Variants in RNF175 observed in about 807,000 individuals in gnomAD.
RNF175 encodes the protein ring finger protein 175.
A neutral mutation model predicts 50.0 loss-of-function variants in RNF175; 38 were observed. The ratio of observed to expected loss-of-function variants is 0.76; its 90% CI spans 0.59 to 1.00. The LOEUF (loss-of-function observed/expected upper bound fraction) is 1.00. Ranked by LOEUF, RNF175 falls within the 50% of genes least tolerant of loss-of-function variation. The pLI, the probability that RNF175 is intolerant of heterozygous loss-of-function variation, is 0.00. For synonymous variants in RNF175, 155 were observed against 146.1 expected, an observed-to-expected ratio of 1.06 and a Z score of -0.44; for missense variants, 388 against 409.6, an observed-to-expected ratio of 0.95 and a Z score of 0.46.
Position 153,759,878 on chromosome 4 carries a change from C to T in RNF175, c.-16G>A, listed in dbSNP as rs866695473. ...CCGCGGCCATGCCTGAGCCACTGTGCCTTCTCCAGGGCACAGCGCCTGCCG... is the reference window on the plus strand; with the variant it reads ...CCGCGGCCATGCCTGAGCCACTGTGTCTTCTCCAGGGCACAGCGCCTGCCG... On this transcript the variant is annotated 5_prime_UTR_variant, in exon 1 of 9. Transcript: ENST00000347063. 34 of 1,416,524 alleles carry T rather than the reference C, an allele frequency of 2.4e-5. No individual in the cohort carries two copies. The Middle Eastern group carries it at 7.3e-4, about 30-fold the overall frequency. The allele number at this position is 1,416,524 out of a possible 1,614,324, so 87.7% of individuals were successfully genotyped here.
chr4:153,715,480 A>C (rs1579029456), intron 7 of RNF175, 49 bp downstream of exon 7: 2 of 1,541,052 alleles, frequency 1.3e-6, no homozygotes, highest in Non-Finnish European at 1.8e-6. Context: ...GAGAAGGAGG[A>C]AAGAAGGAGG....
At chr4:153,729,735 A>G (rs17030382) in intron 3 of RNF175, 186,038 of 984,206 alleles carry the variant, frequency 0.19, 18,654 homozygotes, top group East Asian at 0.38. Flanking sequence ...ATTGCTCTGA[A>G]TCTTCTTTCA....
At chr4:153,748,100 G>A (rs1046528847) in intron 3 of RNF175, among the ~76,000 whole-genome samples, 1 of 152,202 alleles carries the variant, frequency 6.6e-6, no homozygotes, top group Non-Finnish European at 1.5e-5. Context: ...AGCCCTTATG[G>A]CCAAATCGCC....
In RNF175 at chr4:153,744,426, G is replaced by GA. The variant is rs33955605; in HGVS notation, c.246+4218dup. Among the ~76,000 whole-genome samples, 146 of 146,438 alleles carry GA rather than the reference G, an allele frequency of 1.0e-3. 2 individuals carry two copies. The East Asian group carries it at 0.016, about 16-fold the overall frequency. On this transcript the variant is annotated intron_variant, in intron 3 of 8. Coordinates refer to ENST00000347063, the MANE Select transcript of RNF175 (RefSeq NM_173662.4). Reference sequence around the variant, plus strand: ...AACAAGAGCAAAACTCCATCTCAAAGAAAAAAAAAAATCATCAAATGAAAA... The same window carrying GA: ...AACAAGAGCAAAACTCCATCTCAAAGAAAAAAAAAAAATCATCAAATGAAAA...
chr4:153,716,568 A>G (rs975954571), intron 6 of RNF175, among the ~76,000 whole-genome samples: 2 of 151,928 alleles, frequency 1.3e-5, no homozygotes, highest in Non-Finnish European at 2.9e-5. Context: ...TTTTTTTTCC[A>G]AAGAAAATTA....
chr4:153,751,863 A>C (rs1740307931), intron 1 of RNF175, among the ~76,000 whole-genome samples: 1 of 152,366 alleles, frequency 6.6e-6, no homozygotes, highest in African/African-American at 2.4e-5. Flanking sequence ...CTGGTATCTT[A>C]AATGATTGCA....
At chr4:153,712,068 G>C (rs1737623394) in intron 8 of RNF175, among the ~76,000 whole-genome samples, 2 of 152,136 alleles carry the variant, frequency 1.3e-5, no homozygotes, top group African/African-American at 4.8e-5. Context: ...CTGTACTCTA[G>C]TTCACATTTC....
Position 153,751,491 on chromosome 4 carries a change from AG to A in RNF175, c.67-17del. The stretch of plus-strand genomic sequence containing the variant: ...TATGAGAGAGCTGAAAAACATAAAA[AG>A]GGCCCTTATCAAAAAATGTCCTTAT... On this transcript the variant is annotated splice_polypyrimidine_tract_variant and intron_variant, in intron 1 of 8. Transcript: ENST00000347063. 6.5e-7 allele frequency: 1 copy of A among 1,549,834 alleles called. No individual in the cohort carries two copies. The highest frequency in any genetic ancestry group is 8.7e-7 in the Non-Finnish European group (1 of 1,145,930).
At chr4:153,743,313 G>T (rs1337447213) in intron 3 of RNF175, among the ~76,000 whole-genome samples, 2 of 152,168 alleles carry the variant, frequency 1.3e-5, no homozygotes, top group Non-Finnish European at 2.9e-5. Flanking sequence ...CAAAGTCAAG[G>T]CTGCAGCATG....
chr4:153,711,435 T>C (rs1208984242), intron 8 of RNF175, among the ~76,000 whole-genome samples: 1 of 152,110 alleles, frequency 6.6e-6, no homozygotes, highest in Non-Finnish European at 1.5e-5. Flanking sequence ...GTTGCCTCCT[T>C]CTCTGATGCC....
Position 153,715,581 on chromosome 4 carries a change from G to A in RNF175, c.712C>T (p.Leu238Phe), listed in dbSNP as rs1362163905. The stretch of plus-strand genomic sequence containing the variant: ...TTTTCAATGAGCCCTTCTTCATCAA[G>A]CTCCACAATGATCTTCTGCCCACAG... Reference protein sequence around the residue: ...AVCGQKIIVELDEEGLIENTY... With the variant: ...AVCGQKIIVEFDEEGLIENTY... Residue 238 changes from leucine (L) to phenylalanine (F), a missense_variant, in exon 7 of 9, where the codon CTT (leucine) becomes TTT (phenylalanine). Physicochemically the swap from Leu to Phe is conservative, Grantham distance 22. Coordinates refer to ENST00000347063, the MANE Select transcript of RNF175 (RefSeq NM_173662.4). 1 of 1,613,200 alleles carries A rather than the reference G, an allele frequency of 6.2e-7. No homozygotes were observed. The highest frequency in any genetic ancestry group is 1.7e-5 in the Admixed American group (1 of 59,918).
At chr4:153,724,600 C>T (rs181666375) in intron 4 of RNF175, among the ~76,000 whole-genome samples, 1 of 152,288 alleles carries the variant, frequency 6.6e-6, no homozygotes, top group Admixed American at 6.5e-5. Flanking sequence ...ACTCTTTCAC[C>T]TTCCCCAGCT....
intron 4 of RNF175, among the ~76,000 whole-genome samples, chr4:153,727,199 A>G (rs919541032): frequency 5.3e-5 from 8 of 152,210 alleles, no homozygotes; most frequent in African/African-American, 1.9e-4. Context: ...GGTACCATAC[A>G]TTCACTTTAC....
intron 5 of RNF175, 54 bp downstream of exon 5, chr4:153,723,297 G>T (rs1738464531): frequency 2.4e-6 from 2 of 840,646 alleles, no homozygotes; most frequent in Non-Finnish European, 4.0e-6. Context: ...ATGACCAGGT[G>T]AGTGTGCCAA....
chr4:153,715,272 A>G (rs913277406), intron 7 of RNF175: 1 of 507,646 alleles, frequency 2.0e-6, no homozygotes, highest in Admixed American at 3.0e-5. Flanking sequence ...CCCTGCTCAG[A>G]TACTGCCTTC....
chr4:153,749,128 G>A (rs1389657676), intron 2 of RNF175, among the ~76,000 whole-genome samples: 1 of 152,152 alleles, frequency 6.6e-6, no homozygotes, highest in Non-Finnish European at 1.5e-5. Context: ...GAAGACCTGG[G>A]GTCCAGTCCC....
chr4:153,735,693 C>T (rs2606337), intron 3 of RNF175, among the ~76,000 whole-genome samples: 26,878 of 152,106 alleles, frequency 0.18, 3,090 homozygotes, highest in Non-Finnish European at 0.25. Context: ...TTTATATCTC[C>T]TTTCTCTGTA....
chr4:153,725,546 G>T (rs1738648752), intron 4 of RNF175, among the ~76,000 whole-genome samples: 1 of 152,196 alleles, frequency 6.6e-6, no homozygotes, highest in Non-Finnish European at 1.5e-5. Flanking sequence ...CCTTTAAACT[G>T]CAGGGTTTCT....
chr4:153,756,251 CTT>C, intron 1 of RNF175, among the ~76,000 whole-genome samples: 1 of 152,282 alleles, frequency 6.6e-6, no homozygotes, highest in East Asian at 1.9e-4. Flanking sequence ...CTATCAATCT[CTT>C]ATATCTTTCT....
Sources: gnomAD v4.1 joint callset for allele counts (sites outside exome capture counted in the v4.1 genomes callset) on GRCh38, gnomAD v4.1.1 for gene constraint, MANE v1.5 for transcripts, NCBI Gene and HGNC (gene_info 2026-07-23, HGNC 2026-07-21) for gene names.